XRCC2: variants seen among roughly 807,000 people sequenced by gnomAD.
The protein encoded by XRCC2 is DNA repair protein XRCC2.
In XRCC2, 24 loss-of-function variants were observed where a neutral mutation model predicts 27.3. The observed-to-expected ratio is 0.88, with a 90% CI of 0.64 to 1.24. XRCC2 has a LOEUF of 1.24. XRCC2 is among the 50% of genes most tolerant of loss of function. XRCC2 has a pLI of 0.00. For missense variants in XRCC2, 321 were observed against 325.8 expected, an observed-to-expected ratio of 0.99 and a Z score of 0.11; for synonymous variants, 106 against 115.4, an observed-to-expected ratio of 0.92 and a Z score of 0.52.
chr7:152,662,669 T>G (rs1590135037), intron 1 of XRCC2, among the ~76,000 whole-genome samples: 4 of 140,650 alleles, frequency 2.8e-5, no homozygotes, highest in Non-Finnish European at 3.0e-5. Context: ...GCCTCCCGGG[T>G]TCACGCCATT....
Position 152,647,279 on chromosome 7 carries a change from A to G in XRCC2, c.*1363T>C, listed in dbSNP as rs1424101318. On this transcript the variant is annotated 3_prime_UTR_variant, in exon 3 of 3. Coordinates refer to ENST00000359321, the MANE Select transcript of XRCC2 (RefSeq NM_005431.2). ...TTTTTCTTCTAAATTTGTTTAAATT[A>G]CGTATAGATGCTGGATTTCAGACCT... 1 of 151,856 alleles carries G rather than the reference A, an allele frequency of 6.6e-6. No individual in the cohort carries two copies. The highest frequency in any genetic ancestry group is 1.5e-5 in the Non-Finnish European group (1 of 68,012). The allele number at this position is 151,856 out of a possible 1,614,324, so 9.4% of individuals were successfully genotyped here.
chr7:152,652,300 C>G (rs1392040665), intron 2 of XRCC2, among the ~76,000 whole-genome samples: 3 of 152,004 alleles, frequency 2.0e-5, no homozygotes, highest in African/African-American at 7.3e-5. Context: ...AGTGTGCCCT[C>G]TCTTACTATG....
intron 1 of XRCC2, among the ~76,000 whole-genome samples, chr7:152,667,748 T>C (rs370643222): frequency 6.6e-6 from 1 of 151,934 alleles, no homozygotes; most frequent in Admixed American, 6.6e-5. Flanking sequence ...AATTAACAAT[T>C]GTAATTGTTG....
chr7:152,663,561 G>A (rs1228552212), intron 1 of XRCC2, among the ~76,000 whole-genome samples: 3 of 152,070 alleles, frequency 2.0e-5, no homozygotes, highest in Admixed American at 1.3e-4. Flanking sequence ...TCTTTGGGCC[G>A]GGCACAGTGG....
chr7:152,649,433 C>A, intron 2 of XRCC2, 70 bp from the exon 3 acceptor site: 1 of 1,488,484 alleles, frequency 6.7e-7, no homozygotes, highest in Non-Finnish European at 8.9e-7. Context: ...GCAAAGTCTG[C>A]AAAAAAGTTT....
chr7:152,650,125 G>A (rs940430570), intron 2 of XRCC2, among the ~76,000 whole-genome samples: 2 of 152,152 alleles, frequency 1.3e-5, no homozygotes, highest in African/African-American at 2.4e-5. Flanking sequence ...CCCTAATTAG[G>A]TTTCTCAGTG....
chr7:152,650,566 A>G (rs931612696), intron 2 of XRCC2, among the ~76,000 whole-genome samples: 7 of 152,206 alleles, frequency 4.6e-5, no homozygotes, highest in African/African-American at 4.8e-5. Context: ...TAAAATGCCA[A>G]TTATTAGCCC....
chr7:152,667,460 CTT>C (rs2098036418), intron 1 of XRCC2, among the ~76,000 whole-genome samples: 1 of 147,390 alleles, frequency 6.8e-6, no homozygotes, highest in African/African-American at 2.5e-5. Flanking sequence ...TGACGGGACT[CTT>C]TTGGGCGAAG....
At chr7:152,656,452 C>T (rs2098030742) in intron 2 of XRCC2, among the ~76,000 whole-genome samples, 1 of 152,144 alleles carries the variant, frequency 6.6e-6, no homozygotes. Context: ...CTTACTACTT[C>T]AACTTAAGCT....
chr7:152,658,441 C>T (rs1362862049), intron 2 of XRCC2, among the ~76,000 whole-genome samples: 5 of 152,204 alleles, frequency 3.3e-5, no homozygotes, highest in Non-Finnish European at 5.9e-5. Flanking sequence ...TGTGAGCCAC[C>T]GTGCCTGGTC....
chr7:152,660,552 G>T, intron 2 of XRCC2, 149 bp downstream of exon 2: 1 of 591,414 alleles, frequency 1.7e-6, no homozygotes, highest in Non-Finnish European at 2.7e-6. Flanking sequence ...AAGCTTAAAA[G>T]CTTTCTGTCA....
chr7:152,652,883 T>C (rs1334419769), intron 2 of XRCC2, among the ~76,000 whole-genome samples: 3 of 152,020 alleles, frequency 2.0e-5, no homozygotes, highest in African/African-American at 7.2e-5. Flanking sequence ...GTGGCAGAGT[T>C]CAGCAGGTAA....
At chr7:152,659,278 T>A (rs568907825) in intron 2 of XRCC2, among the ~76,000 whole-genome samples, 1 of 152,076 alleles carries the variant, frequency 6.6e-6, no homozygotes, top group South Asian at 2.1e-4. Context: ...AGCCCCAAAA[T>A]ACAAAAGCAA....
chr7:152,659,253 C>A (rs1026829729), intron 2 of XRCC2, among the ~76,000 whole-genome samples: 1 of 152,066 alleles, frequency 6.6e-6, no homozygotes, highest in Non-Finnish European at 1.5e-5. Flanking sequence ...GTTATATGTG[C>A]TTAACAATAC....
At chr7:152,667,747 T>C (rs1399879786) in intron 1 of XRCC2, among the ~76,000 whole-genome samples, 3 of 152,028 alleles carry the variant, frequency 2.0e-5, no homozygotes, top group Non-Finnish European at 4.4e-5. Context: ...CAATTAACAA[T>C]TGTAATTGTT....
At chr7:152,658,574 A>T (rs1194204611) in intron 2 of XRCC2, among the ~76,000 whole-genome samples, 2 of 152,186 alleles carry the variant, frequency 1.3e-5, no homozygotes, top group Non-Finnish European at 2.9e-5. Context: ...TGCACCCATT[A>T]AACAATGACT....
intron 1 of XRCC2, among the ~76,000 whole-genome samples, chr7:152,661,243 G>T (rs2098032961): frequency 6.6e-6 from 1 of 152,058 alleles, no homozygotes; most frequent in Admixed American, 6.5e-5. Flanking sequence ...TTTACTTTTT[G>T]TTTATCTACC....
chr7:152,673,831 G>A (rs909156424), intron 1 of XRCC2, among the ~76,000 whole-genome samples: 18 of 152,070 alleles, frequency 1.2e-4, no homozygotes, highest in South Asian at 2.1e-4. Flanking sequence ...AGCCAAGATC[G>A]CGCCACTGCA....
chr7:152,655,228 G>A (rs2116994238), intron 2 of XRCC2, among the ~76,000 whole-genome samples: 1 of 152,254 alleles, frequency 6.6e-6, no homozygotes, highest in South Asian at 2.1e-4. Context: ...GTCAGAAAGA[G>A]TTCTGAATCT....
Sources: gnomAD v4.1 joint callset for allele counts (sites outside exome capture counted in the v4.1 genomes callset) on GRCh38, gnomAD v4.1.1 for gene constraint, MANE v1.5 for transcripts, NCBI Gene and HGNC (gene_info 2026-07-23, HGNC 2026-07-21) for gene names.